PCDHA10: variants seen among roughly 807,000 people sequenced by gnomAD.
PCDHA10 encodes the protein protocadherin alpha 10, also known as protocadherin alpha-10.
Under a neutral mutation model 61.2 loss-of-function variants are expected in PCDHA10, and 45 were observed. The observed-to-expected ratio is 0.74, with a 90% CI of 0.58 to 0.94. The LOEUF (loss-of-function observed/expected upper bound fraction) is 0.94, where lower values mean the gene tolerates loss of function less well. Ranked by LOEUF, PCDHA10 falls within the 40% of genes least tolerant of loss-of-function variation. The pLI, the probability that PCDHA10 is intolerant of heterozygous loss-of-function variation, is 0.00. For synonymous variants in PCDHA10, 602 were observed against 548.8 expected, an observed-to-expected ratio of 1.10 and a Z score of -1.35; for missense variants, 1,278 against 1,236.2, an observed-to-expected ratio of 1.03 and a Z score of -0.51.
intron 1 of PCDHA10, chr5:140,877,065 G>T (rs782807909): frequency 6.2e-7 from 1 of 1,613,044 alleles, no homozygotes; most frequent in Non-Finnish European, 8.5e-7. Flanking sequence ...TGGAGCTGCT[G>T]CAGTTCCAGG....
intron 1 of PCDHA10, among the ~76,000 whole-genome samples, chr5:140,872,315 AAAT>A (rs1554166135): frequency 1.3e-5 from 2 of 152,130 alleles, no homozygotes. Context: ...TGCTTTATGG[AAAT>A]AATATGACTA....
chr5:140,952,734 C>T (rs143946641), intron 1 of PCDHA10, among the ~76,000 whole-genome samples: 1 of 152,272 alleles, frequency 6.6e-6, no homozygotes, highest in East Asian at 1.9e-4. Flanking sequence ...CTAGTCTTTT[C>T]TCACACTGCT....
In PCDHA10 at chr5:140,969,463, C is replaced by G. The variant is rs549074334; in HGVS notation, c.2389-9486C>G. ...CTGGTAAACTGAGTATATATAGTAT[C>G]CACAATTTGATCATAATCTGCTATT... On this transcript the variant is annotated intron_variant, in intron 1 of 3. Coordinates refer to ENST00000307360, the MANE Select transcript of PCDHA10 (RefSeq NM_018901.4). 74 of 1,491,016 alleles carry G rather than the reference C, an allele frequency of 5.0e-5. No homozygotes were observed. In the South Asian group the frequency reaches 6.0e-4, roughly 12 times the overall value. The allele number at this position is 1,491,016 out of a possible 1,614,324, so 92.4% of individuals were successfully genotyped here.
chr5:140,928,791 G>A, intron 1 of PCDHA10: 1 of 1,614,138 alleles, frequency 6.2e-7, no homozygotes, highest in South Asian at 1.1e-5. Flanking sequence ...TTAAGCAGAG[G>A]GTGGTGGTAG....
At chr5:140,892,819 A>G (rs551280418) in intron 1 of PCDHA10, among the ~76,000 whole-genome samples, 2 of 152,304 alleles carry the variant, frequency 1.3e-5, no homozygotes, top group South Asian at 4.1e-4. Context: ...TTTATCCTAC[A>G]GTGCTACAGT....
intron 1 of PCDHA10, among the ~76,000 whole-genome samples, chr5:140,962,088 T>C (rs893852980): frequency 6.6e-6 from 1 of 152,092 alleles, no homozygotes; most frequent in Non-Finnish European, 1.5e-5. Flanking sequence ...GGTTTCACCA[T>C]GTTAGCCAGG....
intron 1 of PCDHA10, among the ~76,000 whole-genome samples, chr5:140,951,349 T>C (rs1403359324): frequency 1.3e-5 from 2 of 152,144 alleles, no homozygotes; most frequent in Non-Finnish European, 2.9e-5. Flanking sequence ...GTTAGTCCAT[T>C]ATTGCACTGT....
chr5:140,890,069 A>C (rs1554184149), intron 1 of PCDHA10, among the ~76,000 whole-genome samples: 1 of 152,204 alleles, frequency 6.6e-6, no homozygotes, highest in Non-Finnish European at 1.5e-5. Flanking sequence ...TTACTGGCTT[A>C]TGAGAACTGA....
At chr5:140,982,665 A>T in intron 3 of PCDHA10, 102 bp downstream of exon 3, 1 of 1,465,322 alleles carries the variant, frequency 6.8e-7, no homozygotes, top group Non-Finnish European at 9.0e-7. Context: ...TTTCTTTTAT[A>T]TTTTTGTTAT....
chr5:141,000,389 C>CTATATA (rs2097911342), intron 3 of PCDHA10, among the ~76,000 whole-genome samples: 2 of 62,586 alleles, frequency 3.2e-5, no homozygotes, highest in African/African-American at 7.0e-5. Flanking sequence ...CTCTCTCTCT[C>CTATATA]TCTCTCTATA....
chr5:140,934,999 T>C (rs2090139389), intron 1 of PCDHA10, among the ~76,000 whole-genome samples: 1 of 152,196 alleles, frequency 6.6e-6, no homozygotes, highest in Admixed American at 6.5e-5. Flanking sequence ...CCTGAATCCT[T>C]TTCATGTGAG....
chr5:140,905,427 A>G lies in PCDHA10; in HGVS notation c.2388+46991A>G, dbSNP rs185931856. 5.3e-5 allele frequency among the ~76,000 whole-genome samples: 8 copies of G among 152,298 alleles called. No homozygotes were observed. The East Asian group carries it at 1.5e-3, about 29-fold the overall frequency. ...TTTATACCAGTACCATGCTGGTTTG[A>G]TAACTACAGCCTTTTAGTATAATTT... On this transcript the variant is annotated intron_variant, in intron 1 of 3. Transcript: ENST00000307360.
At position 140,975,481 on chromosome 5, in the gene PCDHA10, T is replaced by C. The variant is rs566642912; in HGVS notation, c.2389-3468T>C. Among the ~76,000 whole-genome samples, 225 of 152,370 alleles carry C rather than the reference T, an allele frequency of 1.5e-3. 1 individual carries two copies. The highest frequency in any genetic ancestry group is 5.2e-3 in the African/African-American group (216 of 41,590). ...TCTTGGAATTCTGCCTATCAGTTTA[T>C]ATCAATGTTCATAAAATAGCACTAT... On this transcript the variant is annotated intron_variant, in intron 1 of 3. Transcript: ENST00000307360.
At chr5:140,884,260 G>C (rs781862611) in intron 1 of PCDHA10, 1 of 1,613,410 alleles carries the variant, frequency 6.2e-7, no homozygotes, top group Admixed American at 1.7e-5. Flanking sequence ...CCACGGCAAC[G>C]GTGCTGTTGT....
At position 140,857,395 on chromosome 5, in the gene PCDHA10, C is replaced by T. The variant is rs1554149953; in HGVS notation, c.1347C>T (p.Asp449=). Residue 449 remains aspartate (D), a synonymous_variant, in exon 1 of 4, where the codon GAC becomes GAT. Coordinates refer to ENST00000307360, the MANE Select transcript of PCDHA10 (RefSeq NM_018901.4). ...SVSVEVADVN[D]NAPAFAQSEY... ...CTGTGGAGGTGGCCGACGTGAACGACAACGCGCCTGCGTTCGCGCAGTCCG... is the reference window on the plus strand; with the variant it reads ...CTGTGGAGGTGGCCGACGTGAACGATAACGCGCCTGCGTTCGCGCAGTCCG... The T allele has an allele frequency of 6.3e-7, 1 of 1,598,586 alleles. No homozygotes were observed. Among genetic ancestry groups the T allele is most frequent in the South Asian group, 1.1e-5 (1 of 90,552 alleles).
intron 1 of PCDHA10, among the ~76,000 whole-genome samples, chr5:140,939,281 G>A (rs1554212652): frequency 6.6e-6 from 1 of 152,014 alleles, no homozygotes; most frequent in African/African-American, 2.4e-5. Context: ...CTGTGCCCTC[G>A]TGATCTAATC....
intron 1 of PCDHA10, among the ~76,000 whole-genome samples, chr5:140,925,108 G>A (rs77719760): frequency 1.1e-3 from 139 of 124,762 alleles, no homozygotes; most frequent in African/African-American, 2.5e-3. Flanking sequence ...GAAGGAAGGA[G>A]GGAAGGAAGG....
chr5:140,966,341 G>T, intron 1 of PCDHA10: 1 of 396,732 alleles, frequency 2.5e-6, no homozygotes, highest in Non-Finnish European at 4.4e-6. Context: ...CAGGTCCAGG[G>T]TGAAGGAGAT....
chr5:140,968,287 C>T lies in PCDHA10; in HGVS notation c.2389-10662C>T, dbSNP rs7712041. Reference sequence around the variant, plus strand: ...AGGAGAATGCAGAGGTGACCTACTCCCTTCTGGAGAGGGAGATTCAAGGGC... The same window carrying T: ...AGGAGAATGCAGAGGTGACCTACTCTCTTCTGGAGAGGGAGATTCAAGGGC... On this transcript the variant is annotated intron_variant, in intron 1 of 3. Coordinates refer to ENST00000307360, the MANE Select transcript of PCDHA10 (RefSeq NM_018901.4). The T allele has an allele frequency of 2.5e-3, 4,093 of 1,613,902 alleles. 64 individuals are homozygous for T. In the African/African-American group the frequency reaches 0.039, roughly 16 times the overall value.
Sources: allele counts gnomAD v4.1 joint callset (sites outside exome capture counted in the v4.1 genomes callset), GRCh38; gene constraint gnomAD v4.1.1; transcripts MANE v1.5; gene names NCBI Gene and HGNC (gene_info 2026-07-23, HGNC 2026-07-21).